The following ENTPD5 variants were observed in gnomAD, a reference collection of about 807,000 sequenced individuals.
ENTPD5 encodes nucleoside diphosphate phosphatase ENTPD5.
In ENTPD5, 49 loss-of-function variants were observed where a neutral mutation model predicts 60.2. The ratio of observed to expected loss-of-function variants is 0.81; its 90% confidence interval spans 0.65 to 1.03. ENTPD5 has a LOEUF of 1.03. ENTPD5 is among the 50% of genes least tolerant of loss of function. ENTPD5 has a pLI of 0.00. For synonymous variants in ENTPD5, 187 were observed against 185.4 expected (o/e 1.01, Z -0.07); for missense variants, 480 against 507.6 (o/e 0.95, Z 0.52).
At chr14:73,981,881 C>G (rs2057706137) in intron 6 of ENTPD5, among the ~76,000 whole-genome samples, 2 of 151,002 alleles carry the variant, frequency 1.3e-5, no homozygotes, top group South Asian at 4.2e-4. Flanking sequence ...GGAAAAAAGC[C>G]AGATATACAA....
chr14:73,958,117 A>G, downstream of ENTPD5: 1 of 1,593,856 alleles, frequency 6.3e-7, no homozygotes, highest in Non-Finnish European at 8.6e-7. Flanking sequence ...CACCTTTCTA[A>G]TTTTTTTTCC....
Position 73,998,925 on chromosome 14 carries a change from TTACTC to T in ENTPD5, c.-70-10758_-70-10754del, listed in dbSNP as rs2058420668. 2.6e-5 allele frequency among the ~76,000 whole-genome samples: 4 copies of T among 152,222 alleles called. No individual in the cohort carries two copies. In the South Asian group the frequency reaches 8.3e-4, roughly 32 times the overall value. ...AATACTCAGCTAAGGAGTTTGGACT[TTACTC>T]TGCAGGTGATAGGAAGCCACTGAAG... On this transcript the variant is annotated intron_variant, in intron 3 of 15. Coordinates refer to ENST00000334696, the MANE Select transcript of ENTPD5 (RefSeq NM_001249.5).
intron 5 of ENTPD5, among the ~76,000 whole-genome samples, chr14:73,986,069 CAAAAAAA>C (rs534512335): frequency 1.0e-4 from 8 of 79,300 alleles, no homozygotes; most frequent in South Asian, 3.2e-4. Context: ...GATACTCCGT[CAAAAAAA>C]AAAAAAAAAA....
At chr14:73,972,680 A>T (rs779710239) in intron 13 of ENTPD5, among the ~76,000 whole-genome samples, 60 of 15,978 alleles carry the variant, frequency 3.8e-3, no homozygotes, top group Non-Finnish European at 6.4e-3. Flanking sequence ...TAAACATGTT[A>T]AAAAAAAAAA....
chr14:73,983,516 C>T (rs955994106), intron 5 of ENTPD5, among the ~76,000 whole-genome samples: 3 of 149,632 alleles, frequency 2.0e-5, no homozygotes, highest in Non-Finnish European at 3.0e-5. Flanking sequence ...CTCAGCTACT[C>T]GGGAGGCTGA....
chr14:73,979,310 T>C (rs2057575041), intron 6 of ENTPD5, among the ~76,000 whole-genome samples: 1 of 151,914 alleles, frequency 6.6e-6, no homozygotes, highest in East Asian at 1.9e-4. Flanking sequence ...CCATAGCACC[T>C]GCAGAACCTA....
intron 7 of ENTPD5, 78 bp from the exon 8 acceptor site, chr14:73,977,137 TCC>T: frequency 7.2e-7 from 1 of 1,388,332 alleles, no homozygotes; most frequent in Non-Finnish European, 1.0e-6. Flanking sequence ...TTTTTTTTTT[TCC>T]TCTCTAAATT....
chr14:73,961,932 G>A (rs1280616265), downstream of ENTPD5: 2 of 1,613,034 alleles, frequency 1.2e-6, no homozygotes, highest in Middle Eastern at 1.7e-4. Context: ...GAATGACTTT[G>A]CAAACAGCTC....
intron 6 of ENTPD5, among the ~76,000 whole-genome samples, chr14:73,977,965 G>C (rs1241332706): frequency 6.6e-6 from 1 of 152,158 alleles, no homozygotes; most frequent in East Asian, 1.9e-4. Context: ...ACAGACCATT[G>C]ATATGGGTGT....
At chr14:73,994,564 C>T (rs1405530827) in intron 3 of ENTPD5, among the ~76,000 whole-genome samples, 3 of 151,876 alleles carry the variant, frequency 2.0e-5, no homozygotes, top group African/African-American at 7.3e-5. Flanking sequence ...GACACCCCAT[C>T]TCTACTAAAA....
chr14:73,960,141 C>G, downstream of ENTPD5: 1 of 990,216 alleles, frequency 1.0e-6, no homozygotes, highest in South Asian at 4.6e-5. Flanking sequence ...CTACCTGAAC[C>G]TTTCAAGCCT....
chr14:73,976,590 C>A (rs1362436259), intron 8 of ENTPD5, among the ~76,000 whole-genome samples, 178 bp from the exon 9 acceptor site: 1 of 151,832 alleles, frequency 6.6e-6, no homozygotes, highest in Non-Finnish European at 1.5e-5. Context: ...GCCTTCAAGG[C>A]AGGTGTTTTT....
At chr14:73,971,688 CA>C (rs1319726354) in intron 14 of ENTPD5, among the ~76,000 whole-genome samples, 163 bp downstream of exon 14, 1 of 152,042 alleles carries the variant, frequency 6.6e-6, no homozygotes. Flanking sequence ...GCCTGGCTAC[CA>C]CCCAATGCTT....
At chr14:73,986,762 G>T in intron 5 of ENTPD5, 52 bp downstream of exon 5, 1 of 1,274,002 alleles carries the variant, frequency 7.8e-7, no homozygotes, top group Non-Finnish European at 1.1e-6. Flanking sequence ...CAGTGGTGTG[G>T]TCAAGTTATC....
chr14:74,004,534 T>C (rs1176615158), intron 3 of ENTPD5, among the ~76,000 whole-genome samples: 3 of 152,260 alleles, frequency 2.0e-5, no homozygotes, highest in Admixed American at 2.0e-4. Context: ...GAGGCTCTCA[T>C]GAGATTGCAG....
chr14:73,963,093 A>AAAC (rs1221864840), downstream of ENTPD5: 1 of 1,055,526 alleles, frequency 9.5e-7, no homozygotes, highest in Non-Finnish European at 1.5e-6. Context: ...TTAATTTAAT[A>AAAC]AACTTACTTT....
intron 3 of ENTPD5, among the ~76,000 whole-genome samples, chr14:74,002,169 G>C (rs1888294862): frequency 6.6e-6 from 1 of 152,106 alleles, no homozygotes; most frequent in South Asian, 2.1e-4. Context: ...TGAGCTTAGA[G>C]AAACTAAGTA....
Position 73,963,280 on chromosome 14 carries a change from C to T in ENTPD5, c.*3648G>A, listed in dbSNP as rs116563548. The T allele has an allele frequency of 6.9e-3, 3,566 of 513,548 alleles. 93 individuals are homozygous for T. The highest frequency in any genetic ancestry group is 0.062 in the African/African-American group (3,182 of 51,734). 31.8% of individuals were successfully genotyped at this position (513,548 alleles called of 1,614,324 possible). A position where few individuals can be genotyped will look rare whatever the true frequency, so the allele number is the denominator to read the frequency against. ...CTAAAAAACCCACAAGGTGCTGTCT[C>T]ACTCATTTCCAGTTAATCATTTCTA... On this transcript the variant is annotated 3_prime_UTR_variant, in exon 16 of 16. Transcript: ENST00000334696.
downstream of ENTPD5, chr14:73,958,834 G>A (rs780742803): frequency 7.8e-6 from 12 of 1,539,014 alleles, no homozygotes; most frequent in East Asian, 2.5e-5. Flanking sequence ...TCTAGGGGCT[G>A]TGAGTGAAGC....
Sources: gnomAD v4.1 joint callset for allele counts (sites outside exome capture counted in the v4.1 genomes callset) on GRCh38, gnomAD v4.1.1 for gene constraint, MANE v1.5 for transcripts, NCBI Gene and HGNC (gene_info 2026-07-23, HGNC 2026-07-21) for gene names.